Variants in ANO1 observed in about 807,000 individuals in gnomAD.
The protein encoded by ANO1 is anoctamin-1.
Under a neutral mutation model 124.0 loss-of-function variants are expected in ANO1, and 59 were observed. The observed-to-expected ratio is 0.48, with a 90% confidence interval of 0.39 to 0.59. The LOEUF (loss-of-function observed/expected upper bound fraction) is 0.59, where lower values mean the gene tolerates loss of function less well. ANO1 is among the 20% of genes least tolerant of loss of function. The pLI is 0.00. For synonymous variants in ANO1, 529 were observed against 532.0 expected (o/e 0.99, Z 0.08); for missense variants, 1,059 against 1,328.0 (o/e 0.80, Z 3.15).
intron 1 of ANO1, among the ~76,000 whole-genome samples, chr11:70,036,757 G>A (rs797036448): frequency 2.6e-5 from 4 of 152,168 alleles, no homozygotes; most frequent in Admixed American, 6.5e-5. Flanking sequence ...ATAGGCACCC[G>A]CCACCACACC....
chr11:70,167,726 C>T (rs2048311436), intron 21 of ANO1, among the ~76,000 whole-genome samples: 2 of 152,040 alleles, frequency 1.3e-5, no homozygotes, highest in Admixed American at 6.6e-5. Flanking sequence ...TCCCCAGGCA[C>T]GGTCTCCATC....
At chr11:70,133,930 G>C (rs1223828219) in intron 11 of ANO1, among the ~76,000 whole-genome samples, 3 of 152,244 alleles carry the variant, frequency 2.0e-5, no homozygotes, top group African/African-American at 7.2e-5. Flanking sequence ...CACCAACACT[G>C]TATCTCATTC....
In ANO1 at chr11:70,108,347, C is replaced by A; in HGVS notation, c.748-6C>A. The A allele has an allele frequency of 1.2e-6, 2 of 1,609,150 alleles. No homozygotes were observed. The highest frequency in any genetic ancestry group is 1.7e-6 in the Non-Finnish European group (2 of 1,176,292). ...CTGCTCACCCCCCTTCTTGTCTCTG[C>A]AATAGGTCTATGAGATCTTGAAGAG... is the stretch of plus-strand genomic sequence containing the variant. On this transcript the variant is annotated splice_polypyrimidine_tract_variant and splice_region_variant and intron_variant, in intron 5 of 25. Transcript: ENST00000355303.
At chr11:70,085,151 C>G (rs1024339977) in intron 1 of ANO1, among the ~76,000 whole-genome samples, 1 of 152,186 alleles carries the variant, frequency 6.6e-6, no homozygotes, top group African/African-American at 2.4e-5. Flanking sequence ...CAGTTTCCTC[C>G]TTGGCGAATT....
At chr11:70,183,431 G>A (rs2049002218) in intron 24 of ANO1, among the ~76,000 whole-genome samples, 1 of 152,170 alleles carries the variant, frequency 6.6e-6, no homozygotes, top group Non-Finnish European at 1.5e-5. Context: ...GTCCATTCTT[G>A]AACCAACCAC....
chr11:70,117,669 C>T (rs918404789), intron 8 of ANO1, among the ~76,000 whole-genome samples: 6 of 152,186 alleles, frequency 3.9e-5, no homozygotes, highest in Admixed American at 1.3e-4. Flanking sequence ...TTCCTGGACC[C>T]TGCATGTGCA....
At chr11:70,095,413 A>AG (rs2044895066) in intron 2 of ANO1, among the ~76,000 whole-genome samples, 1 of 68,958 alleles carries the variant, frequency 1.5e-5, no homozygotes, top group Non-Finnish European at 3.6e-5. Flanking sequence ...AAAGAAAGAA[A>AG]GAAAGAAAGA....
At chr11:70,120,385 CAGA>C (rs1383227712) in intron 8 of ANO1, among the ~76,000 whole-genome samples, 1 of 152,138 alleles carries the variant, frequency 6.6e-6, no homozygotes, top group African/African-American at 2.4e-5. Context: ...TTTGGATGTG[CAGA>C]AGGTGTTCTG....
chr11:70,161,957 A>C (rs1303942141), intron 18 of ANO1, among the ~76,000 whole-genome samples: 2 of 151,430 alleles, frequency 1.3e-5, no homozygotes, highest in African/African-American at 4.9e-5. Flanking sequence ...GGCAGTGGGG[A>C]CCCCAGGCAG....
At chr11:70,174,328 G>A (rs1337481654) in intron 22 of ANO1, among the ~76,000 whole-genome samples, 4 of 151,036 alleles carry the variant, frequency 2.6e-5, no homozygotes, top group South Asian at 2.1e-4. Context: ...CCCGGGAGGC[G>A]GAGGTTGCAG....
intron 6 of ANO1, among the ~76,000 whole-genome samples, chr11:70,110,155 G>A (rs553765786): frequency 4.6e-5 from 7 of 151,518 alleles, no homozygotes; most frequent in African/African-American, 9.7e-5. Flanking sequence ...GGAGGCCAGC[G>A]AGCCTGGCTG....
At chr11:70,070,544 C>T (rs191765404) in intron 1 of ANO1, among the ~76,000 whole-genome samples, 5 of 152,204 alleles carry the variant, frequency 3.3e-5, no homozygotes, top group East Asian at 1.9e-4. Context: ...TTAGTCATGA[C>T]GGGTGCCTGT....
intron 22 of ANO1, among the ~76,000 whole-genome samples, chr11:70,171,937 G>C (rs1450589189): frequency 6.6e-6 from 1 of 151,996 alleles, no homozygotes; most frequent in Non-Finnish European, 1.5e-5. Flanking sequence ...CTGGGCAACA[G>C]AGTGAGACCC....
At chr11:70,155,831 A>G in intron 14 of ANO1, 80 bp from the exon 15 acceptor site, 1 of 1,331,352 alleles carries the variant, frequency 7.5e-7, no homozygotes, top group Non-Finnish European at 1.0e-6. Context: ...CAAGATGGGG[A>G]CGGTTCCCTG....
intron 11 of ANO1, among the ~76,000 whole-genome samples, chr11:70,138,506 C>CA (rs564343150): frequency 0.34 from 43,137 of 125,700 alleles, 6,474 homozygotes; most frequent in East Asian, 0.46. Context: ...AAGTCCGTCT[C>CA]AAAAAAAAAA....
intron 5 of ANO1, among the ~76,000 whole-genome samples, chr11:70,107,015 T>A (rs2045574221): frequency 1.3e-5 from 2 of 151,944 alleles, no homozygotes; most frequent in Non-Finnish European, 1.5e-5. Context: ...TGGCCAGCTG[T>A]GGGAGGGTAA....
chr11:70,080,875 T>C (rs772632288), intron 1 of ANO1, among the ~76,000 whole-genome samples: 11 of 152,160 alleles, frequency 7.2e-5, no homozygotes, highest in Non-Finnish European at 1.3e-4. Context: ...GGCCTGTTGG[T>C]GCAGGGCAGG....
chr11:70,132,130 G>T, intron 11 of ANO1, 51 bp downstream of exon 11: 1 of 1,531,360 alleles, frequency 6.5e-7, no homozygotes, highest in Non-Finnish European at 8.8e-7. Context: ...GAGTCTGAGT[G>T]GTACCTAGGC....
At chr11:70,034,679 G>T (rs1218922410) in intron 1 of ANO1, among the ~76,000 whole-genome samples, 1 of 152,154 alleles carries the variant, frequency 6.6e-6, no homozygotes, top group Non-Finnish European at 1.5e-5. Context: ...TAGGCAAAGG[G>T]CATCAGAAGG....
Sources: allele counts gnomAD v4.1 joint callset (sites outside exome capture counted in the v4.1 genomes callset), GRCh38; gene constraint gnomAD v4.1.1; transcripts MANE v1.5; gene names NCBI Gene and HGNC (gene_info 2026-07-23, HGNC 2026-07-21).